MEGF11: variants seen among roughly 807,000 people sequenced by gnomAD.
The protein encoded by MEGF11 is multiple epidermal growth factor-like domains protein 11.
Under a neutral mutation model 146.6 loss-of-function variants are expected in MEGF11, and 126 were observed. The ratio of observed to expected loss-of-function variants is 0.86; its 90% CI spans 0.74 to 1.00. The LOEUF (loss-of-function observed/expected upper bound fraction) is 1.00, where lower values mean the gene tolerates loss of function less well. Ranked by LOEUF, MEGF11 falls within the 50% of genes least tolerant of loss-of-function variation. The pLI is 0.00. For synonymous variants in MEGF11, 532 were observed against 583.4 expected (o/e 0.91, Z 1.27); for missense variants, 1,509 against 1,521.2 (o/e 0.99, Z 0.13).
At chr15:65,978,912 ATC>A (rs2141665706) in intron 7 of MEGF11, among the ~76,000 whole-genome samples, 1 of 152,230 alleles carries the variant, frequency 6.6e-6, no homozygotes, top group South Asian at 2.1e-4. Flanking sequence ...CAGCTTCTTC[ATC>A]TGAGAAAGGA....
intron 1 of MEGF11, among the ~76,000 whole-genome samples, chr15:66,229,284 C>T (rs780169298): frequency 1.3e-5 from 2 of 152,022 alleles, no homozygotes; most frequent in Non-Finnish European, 2.9e-5. Flanking sequence ...TTCCCCAGCC[C>T]CAATGCGCAC....
rs138657522 is a variant in MEGF11 at position 66,010,654 on chromosome 15, C to T, written c.395-28166G>A. 3.2e-3 allele frequency among the ~76,000 whole-genome samples: 485 copies of T among 152,180 alleles called. 1 individual carries two copies. The highest frequency in any genetic ancestry group is 0.011 in the African/African-American group (463 of 41,512). On this transcript the variant is annotated intron_variant, in intron 5 of 25. Transcript: ENST00000395614. Reference sequence around the variant, plus strand: ...TGCTACTAACGTAGTTCCAAGCTGGCGAATAATTTATTTCTCATACTAAAT... The same window carrying T: ...TGCTACTAACGTAGTTCCAAGCTGGTGAATAATTTATTTCTCATACTAAAT...
At chr15:66,007,249 G>A (rs907921141) in intron 5 of MEGF11, among the ~76,000 whole-genome samples, 1 of 152,220 alleles carries the variant, frequency 6.6e-6, no homozygotes, top group African/African-American at 2.4e-5. Flanking sequence ...CTTATGCAAT[G>A]TTTAGCCTTA....
chr15:66,108,697 G>A lies in MEGF11; in HGVS notation c.301+10389C>T, dbSNP rs113407879. ...TCCTGTGTACAGGAGGAGCCAGGAGGCCAGCGTGGGAGGCACAGAGTCAGC... is the reference window on the plus strand; with the variant it reads ...TCCTGTGTACAGGAGGAGCCAGGAGACCAGCGTGGGAGGCACAGAGTCAGC... On this transcript the variant is annotated intron_variant, in intron 4 of 25. Coordinates refer to ENST00000395614, the MANE Select transcript of MEGF11 (RefSeq NM_001385028.1). Among the ~76,000 whole-genome samples, 1,463 of 152,296 alleles carry A rather than the reference G, an allele frequency of 9.6e-3. 8 individuals are homozygous for A. Among genetic ancestry groups the A allele is most frequent in the Middle Eastern group, 0.034 (10 of 294 alleles).
chr15:66,066,432 A>G (rs1247617134), intron 5 of MEGF11, among the ~76,000 whole-genome samples: 1 of 152,212 alleles, frequency 6.6e-6, no homozygotes, highest in South Asian at 2.1e-4. Context: ...TAGGAATTTA[A>G]AATTTTTATG....
chr15:65,931,585 T>C (rs2079576994), intron 10 of MEGF11, among the ~76,000 whole-genome samples: 1 of 152,176 alleles, frequency 6.6e-6, no homozygotes, highest in Non-Finnish European at 1.5e-5. Flanking sequence ...ATATAATCCT[T>C]CTCAGTTATT....
chr15:66,186,014 A>C (rs938121742), intron 1 of MEGF11, among the ~76,000 whole-genome samples: 4 of 152,140 alleles, frequency 2.6e-5, no homozygotes, highest in African/African-American at 7.2e-5. Context: ...CCACTTCAGC[A>C]GCTACTGGGG....
chr15:66,130,586 C>T (rs1318112455), intron 1 of MEGF11, among the ~76,000 whole-genome samples: 1 of 146,348 alleles, frequency 6.8e-6, no homozygotes, highest in African/African-American at 2.5e-5. Flanking sequence ...TTTTAAAATC[C>T]TCATGAAAAG....
intron 1 of MEGF11, among the ~76,000 whole-genome samples, chr15:66,218,865 A>G (rs933105589): frequency 2.0e-5 from 3 of 151,062 alleles, no homozygotes; most frequent in Non-Finnish European, 4.4e-5. Flanking sequence ...CTTCCTTAGC[A>G]GTAAAATCAG....
intron 15 of MEGF11, chr15:65,921,761 G>T (rs1001778604): frequency 6.6e-6 from 1 of 152,650 alleles, no homozygotes; most frequent in Non-Finnish European, 1.5e-5. Flanking sequence ...CAAAGAGCTG[G>T]TAGGGTGGAA....
chr15:66,062,768 T>TG (rs1314672940), intron 5 of MEGF11, among the ~76,000 whole-genome samples: 1 of 152,168 alleles, frequency 6.6e-6, no homozygotes, highest in African/African-American at 2.4e-5. Context: ...TGTAGATATT[T>TG]GGGGGAAGAC....
chr15:65,962,000 C>T (rs569683550), intron 9 of MEGF11, among the ~76,000 whole-genome samples: 3 of 152,142 alleles, frequency 2.0e-5, no homozygotes, highest in Admixed American at 1.3e-4. Context: ...AGAAGAAGGA[C>T]GTATATCTTA....
At chr15:66,079,788 G>A (rs577445992) in intron 5 of MEGF11, among the ~76,000 whole-genome samples, 54 of 152,246 alleles carry the variant, frequency 3.5e-4, no homozygotes, top group African/African-American at 1.3e-3. Context: ...AACATGAGTG[G>A]GTGGAGGGTA....
intron 5 of MEGF11, among the ~76,000 whole-genome samples, chr15:66,043,660 C>T (rs1257141967): frequency 1.3e-5 from 2 of 152,336 alleles, no homozygotes; most frequent in East Asian, 3.9e-4. Flanking sequence ...AGAAGCCAGA[C>T]TCTTTAGAAG....
chr15:65,939,684 G>A (rs1304170837), intron 10 of MEGF11, among the ~76,000 whole-genome samples: 1 of 151,824 alleles, frequency 6.6e-6, no homozygotes, highest in Non-Finnish European at 1.5e-5. Flanking sequence ...TAGTAGAGAC[G>A]GGGTTTCACC....
chr15:65,927,818 G>T (rs566532019), intron 13 of MEGF11, among the ~76,000 whole-genome samples: 1 of 152,226 alleles, frequency 6.6e-6, no homozygotes, highest in Non-Finnish European at 1.5e-5. Flanking sequence ...GCCAGATCCC[G>T]TGGGCCCTGG....
At chr15:65,941,203 G>A (rs79284539) in intron 10 of MEGF11, among the ~76,000 whole-genome samples, 10,217 of 152,190 alleles carry the variant, frequency 0.067, 388 homozygotes, top group Middle Eastern at 0.11. Context: ...ACTGCTTGAG[G>A]TCAGGAGTTT....
chr15:65,929,948 C>A lies in MEGF11; in HGVS notation c.1409-65G>T, dbSNP rs2079515210. 5 of 1,476,266 alleles carry A rather than the reference C, an allele frequency of 3.4e-6. No homozygotes were observed. The Admixed American group carries it at 8.1e-5, about 24-fold the overall frequency. 91.4% of individuals were successfully genotyped at this position (1,476,266 alleles called of 1,614,324 possible). On this transcript the variant is annotated intron_variant, in intron 11 of 25. Transcript: ENST00000395614. ...CCCAGTGTGTCTTTTTTGCCCACTC[C>A]CCCCAGCTCTGCACACAGCATTCCA...
intron 5 of MEGF11, among the ~76,000 whole-genome samples, chr15:65,985,925 A>T (rs982554560): frequency 6.6e-6 from 1 of 151,488 alleles, no homozygotes; most frequent in Non-Finnish European, 1.5e-5. Context: ...GTGTGTGTGT[A>T]TATGCACATG....
Sources: gnomAD v4.1 joint callset for allele counts (sites outside exome capture counted in the v4.1 genomes callset) on GRCh38, gnomAD v4.1.1 for gene constraint, MANE v1.5 for transcripts, NCBI Gene and HGNC (gene_info 2026-07-23, HGNC 2026-07-21) for gene names.